Variants in DPYD observed in about 807,000 individuals in gnomAD.
The protein encoded by DPYD is dihydropyrimidine dehydrogenase, also known as dihydropyrimidine dehydrogenase [NADP(+)].
DPYD carries 109 observed loss-of-function variants against 116.2 expected under a neutral mutation model. The ratio of observed to expected loss-of-function variants is 0.94; its 90% CI spans 0.80 to 1.10. The LOEUF (loss-of-function observed/expected upper bound fraction) is 1.10, where lower values mean the gene tolerates loss of function less well. DPYD is among the 50% of genes least tolerant of loss of function. DPYD has a pLI of 0.00. For missense variants in DPYD, 1,302 were observed against 1,254.5 expected, an observed-to-expected ratio of 1.04 and a Z score of -0.57; for synonymous variants, 440 against 432.0, an observed-to-expected ratio of 1.02 and a Z score of -0.23.
chr1:97,685,565 A>G (rs1353329467), intron 7 of DPYD, among the ~76,000 whole-genome samples: 1 of 152,194 alleles, frequency 6.6e-6, no homozygotes, highest in Non-Finnish European at 1.5e-5. Context: ...CTGTTTGCAG[A>G]TGACATGATC....
At chr1:97,767,334 T>G (rs1665917701) in intron 3 of DPYD, among the ~76,000 whole-genome samples, 1 of 152,188 alleles carries the variant, frequency 6.6e-6, no homozygotes. Context: ...CCTGTATTCA[T>G]AACCTTTGCA....
At chr1:97,406,252 G>T (rs1393405984) in intron 14 of DPYD, among the ~76,000 whole-genome samples, 1 of 147,984 alleles carries the variant, frequency 6.8e-6, no homozygotes, top group Non-Finnish European at 1.5e-5. Flanking sequence ...TCTAAGAAGA[G>T]CTGTTGGTTT....
intron 13 of DPYD, among the ~76,000 whole-genome samples, chr1:97,459,175 A>T (rs562204425): frequency 6.6e-6 from 1 of 152,164 alleles, no homozygotes; most frequent in East Asian, 1.9e-4. Context: ...AAATAAAAAA[A>T]ATAATATGGA....
At chr1:97,356,115 C>G (rs1670414941) in intron 16 of DPYD, among the ~76,000 whole-genome samples, 2 of 152,262 alleles carry the variant, frequency 1.3e-5, no homozygotes, top group African/African-American at 4.8e-5. Flanking sequence ...TTTTTGATAA[C>G]AGCCATTCTG....
rs553972960 is a variant in DPYD, at chr1:97,818,788, AT to A, written c.233+9325del. On this transcript the variant is annotated intron_variant, in intron 3 of 22. Transcript: ENST00000370192. Reference sequence around the variant, plus strand: ...TGTGTGTGCATGTGTATATATGTGTATAAAGACATATACACACATTCATATT... The same window carrying A: ...TGTGTGTGCATGTGTATATATGTGTAAAAGACATATACACACATTCATATT... Among the ~76,000 whole-genome samples the A allele has an allele frequency of 5.9e-5, 9 of 152,128 alleles. No individual in the cohort carries two copies. In the South Asian group the frequency reaches 1.9e-3, roughly 32 times the overall value.
chr1:97,906,459 TTA>T (rs1312289581), intron 1 of DPYD, among the ~76,000 whole-genome samples: 1 of 152,078 alleles, frequency 6.6e-6, no homozygotes, highest in Non-Finnish European at 1.5e-5. Flanking sequence ...GGAGATGCAT[TTA>T]TCTTTCTAAC....
chr1:97,904,431 G>A (rs1342244342), intron 1 of DPYD, among the ~76,000 whole-genome samples: 1 of 151,838 alleles, frequency 6.6e-6, no homozygotes, highest in Admixed American at 6.6e-5. Flanking sequence ...AGAAACACAG[G>A]AGAGTTCTCT....
At chr1:97,858,814 G>C (rs1670976972) in intron 2 of DPYD, among the ~76,000 whole-genome samples, 1 of 152,090 alleles carries the variant, frequency 6.6e-6, no homozygotes, top group Non-Finnish European at 1.5e-5. Flanking sequence ...TTTAATAGTA[G>C]TCATAATATA....
chr1:97,494,628 A>G (rs1319569003), intron 13 of DPYD, among the ~76,000 whole-genome samples: 3 of 152,070 alleles, frequency 2.0e-5, no homozygotes, highest in African/African-American at 7.2e-5. Flanking sequence ...CTGTAGTCCC[A>G]GCTGCTCAGG....
chr1:97,402,267 C>G (rs552270816), intron 14 of DPYD, among the ~76,000 whole-genome samples: 6 of 152,190 alleles, frequency 3.9e-5, no homozygotes, highest in Non-Finnish European at 7.4e-5. Context: ...GAATATCTCT[C>G]CATTTATTTA....
chr1:97,415,319 A>G lies in DPYD; in HGVS notation c.1906-32858T>C, dbSNP rs181633510. ...TCACAATCTCCAGCCTCAATGAAAT[A>G]ACACTTCATCTACAATTATATTATT... On this transcript the variant is annotated intron_variant, in intron 14 of 22. Transcript: ENST00000370192. Among the ~76,000 whole-genome samples the G allele has an allele frequency of 3.9e-5, 6 of 152,264 alleles. No individual in the cohort carries two copies. The East Asian group carries it at 1.2e-3, about 29-fold the overall frequency.
At chr1:97,609,575 G>A (rs1313780772) in intron 8 of DPYD, among the ~76,000 whole-genome samples, 1 of 151,940 alleles carries the variant, frequency 6.6e-6, no homozygotes, top group Non-Finnish European at 1.5e-5. Flanking sequence ...ATTTACAGAT[G>A]ACAAACTGAG....
At chr1:97,759,218 T>C (rs1416182419) in intron 3 of DPYD, among the ~76,000 whole-genome samples, 2 of 152,186 alleles carry the variant, frequency 1.3e-5, no homozygotes, top group Non-Finnish European at 2.9e-5. Context: ...GCATTGGTGT[T>C]CAGAAATATT....
chr1:97,686,953 G>GA (rs1289653073), intron 7 of DPYD, among the ~76,000 whole-genome samples: 2 of 151,896 alleles, frequency 1.3e-5, no homozygotes, highest in African/African-American at 2.4e-5. Flanking sequence ...AAATTTACAA[G>GA]AAAAAAACCA....
chr1:97,701,854 C>T (rs1488642526), intron 5 of DPYD, among the ~76,000 whole-genome samples: 4 of 151,652 alleles, frequency 2.6e-5, no homozygotes, highest in African/African-American at 9.7e-5. Flanking sequence ...CTCTCTTAGA[C>T]CATAAAATAT....
At chr1:97,805,471 C>T (rs968445872) in intron 3 of DPYD, among the ~76,000 whole-genome samples, 2 of 151,704 alleles carry the variant, frequency 1.3e-5, no homozygotes, top group African/African-American at 4.8e-5. Flanking sequence ...TTTTGTCTTC[C>T]TTTAAACATA....
intron 3 of DPYD, among the ~76,000 whole-genome samples, chr1:97,810,160 G>A (rs992036733): frequency 4.0e-5 from 6 of 151,412 alleles, no homozygotes; most frequent in South Asian, 4.2e-4. Flanking sequence ...GGTGGCGGGC[G>A]CCTGTAGTCC....
chr1:97,517,366 T>C (rs976359576), intron 12 of DPYD, among the ~76,000 whole-genome samples: 1 of 152,060 alleles, frequency 6.6e-6, no homozygotes, highest in East Asian at 1.9e-4. Flanking sequence ...AAATTGGAGG[T>C]TAATTTGAGG....
In DPYD at chr1:97,558,680, C is replaced by T. The variant is rs186413893; in HGVS notation, c.1340-8936G>A. On this transcript the variant is annotated intron_variant, in intron 11 of 22. Coordinates refer to ENST00000370192, the MANE Select transcript of DPYD (RefSeq NM_000110.4). ...TTAGGCTCCCCAAGTTGAATGGAAA[C>T]GATGGATGTCAATAATAGCCTATAG... Among the ~76,000 whole-genome samples the T allele has an allele frequency of 3.9e-4, 59 of 152,196 alleles. 1 individual carries two copies. The East Asian group carries it at 7.7e-3, about 20-fold the overall frequency.
Sources: allele counts gnomAD v4.1 joint callset (sites outside exome capture counted in the v4.1 genomes callset), GRCh38; gene constraint gnomAD v4.1.1; transcripts MANE v1.5; gene names NCBI Gene and HGNC (gene_info 2026-07-23, HGNC 2026-07-21).